TIAM1: variants seen among roughly 807,000 people sequenced by gnomAD.
TIAM1 encodes the protein TIAM Rac1 associated GEF 1, also known as rho guanine nucleotide exchange factor TIAM1.
A neutral mutation model predicts 163.5 loss-of-function variants in TIAM1; 65 were observed. That is an observed-to-expected ratio of 0.40 (90% CI 0.33 to 0.49). The LOEUF is 0.49. Among genes scored for constraint, TIAM1 ranks in the 20% least tolerant of loss-of-function variants. TIAM1 has a pLI of 0.77. For synonymous variants in TIAM1, 833 were observed against 810.1 expected (o/e 1.03, Z -0.48); for missense variants, 1,789 against 2,044.7 (o/e 0.87, Z 2.41).
chr21:31,293,499 TC>T (rs1188775185), intron 2 of TIAM1, among the ~76,000 whole-genome samples: 2 of 152,140 alleles, frequency 1.3e-5, no homozygotes, highest in South Asian at 4.2e-4. Context: ...ACAGACTTTT[TC>T]TCCAGTGCCT....
At chr21:31,535,175 G>A (rs1056900229) in intron 1 of TIAM1, among the ~76,000 whole-genome samples, 3 of 151,878 alleles carry the variant, frequency 2.0e-5, no homozygotes, top group Middle Eastern at 3.2e-3. Context: ...AAGGTCAGGA[G>A]TTCGAGACCA....
intron 1 of TIAM1, among the ~76,000 whole-genome samples, chr21:31,472,945 G>A (rs934696210): frequency 3.9e-5 from 6 of 152,086 alleles, no homozygotes; most frequent in East Asian, 3.9e-4. Context: ...GCAAGTCTTC[G>A]CACTCCAGTC....
intron 2 of TIAM1, among the ~76,000 whole-genome samples, chr21:31,434,021 C>T (rs1359186285): frequency 1.3e-5 from 2 of 152,120 alleles, no homozygotes; most frequent in Admixed American, 1.3e-4. Flanking sequence ...TGGTCTCAAA[C>T]TCCTGAGCTC....
intron 12 of TIAM1, among the ~76,000 whole-genome samples, chr21:31,197,918 A>G (rs977838087): frequency 1.3e-5 from 2 of 152,194 alleles, no homozygotes; most frequent in Non-Finnish European, 2.9e-5. Context: ...GATGCCTCCC[A>G]GATCAGCCTT....
intron 2 of TIAM1, among the ~76,000 whole-genome samples, chr21:31,375,491 C>T (rs113190550): frequency 0.016 from 4 of 244 alleles, no homozygotes; most frequent in African/African-American, 0.05. Context: ...CCCCTTCGTC[C>T]ACCTTTCTGT....
At chr21:31,500,933 C>T (rs2284539) in intron 1 of TIAM1, among the ~76,000 whole-genome samples, 58,822 of 152,050 alleles carry the variant, frequency 0.39, 12,425 homozygotes, top group East Asian at 0.83. Flanking sequence ...TCCTCCTCCC[C>T]TCTACAAAAA....
intron 1 of TIAM1, among the ~76,000 whole-genome samples, chr21:31,476,530 AG>A (rs1243501081): frequency 6.6e-6 from 1 of 151,042 alleles, no homozygotes; most frequent in Non-Finnish European, 1.5e-5. Context: ...ATTCACTAAT[AG>A]GGGCCAATTT....
At chr21:31,375,592 T>C (rs1192504001) in intron 2 of TIAM1, among the ~76,000 whole-genome samples, 1 of 152,204 alleles carries the variant, frequency 6.6e-6, no homozygotes, top group Non-Finnish European at 1.5e-5. Context: ...TGTATGTTCT[T>C]ATAAGGTATG....
At chr21:31,410,395 T>G (rs1038862339) in intron 2 of TIAM1, among the ~76,000 whole-genome samples, 1 of 151,578 alleles carries the variant, frequency 6.6e-6, no homozygotes. Flanking sequence ...TGACGGTACG[T>G]AAATGAGACA....
chr21:31,408,244 G>A (rs2077283528), intron 2 of TIAM1, among the ~76,000 whole-genome samples: 1 of 151,932 alleles, frequency 6.6e-6, no homozygotes, highest in African/African-American at 2.4e-5. Flanking sequence ...TACATTTGTG[G>A]CCAAAATCTT....
chr21:31,428,882 C>CA (rs56402509), intron 2 of TIAM1, among the ~76,000 whole-genome samples: 214 of 123,808 alleles, frequency 1.7e-3, no homozygotes, highest in Middle Eastern at 4.4e-3. Flanking sequence ...GACCCTGTCT[C>CA]AAAAAAAAAA....
chr21:31,245,348 T>C (rs374307827), intron 6 of TIAM1, 140 bp downstream of exon 6: 32 of 594,178 alleles, frequency 5.4e-5, no homozygotes, highest in African/African-American at 5.3e-4. Context: ...GTTTTTATAA[T>C]GAGCAACAGA....
At chr21:31,226,901 C>T (rs2088011427) in intron 6 of TIAM1, among the ~76,000 whole-genome samples, 1 of 150,392 alleles carries the variant, frequency 6.6e-6, no homozygotes, top group Non-Finnish European at 1.5e-5. Flanking sequence ...TTTGAAGCGC[C>T]TTCTTAGTTT....
chr21:31,160,725 C>T (rs1022049079), intron 16 of TIAM1: 1 of 383,012 alleles, frequency 2.6e-6, no homozygotes, highest in African/African-American at 2.1e-5. Flanking sequence ...AGGACAGCGA[C>T]GGTGAGACCC....
chr21:31,469,081 T>C (rs1164352626), intron 1 of TIAM1, among the ~76,000 whole-genome samples: 1 of 44,998 alleles, frequency 2.2e-5, no homozygotes, highest in African/African-American at 8.7e-5. Flanking sequence ...ACCAATCCCT[T>C]TTTTTTTTTT....
At chr21:31,394,724 TCTCTCACACACACACA>T (rs1569293505) in intron 2 of TIAM1, among the ~76,000 whole-genome samples, 102 of 128,908 alleles carry the variant, frequency 7.9e-4, no homozygotes, top group Middle Eastern at 3.7e-3. Flanking sequence ...TCTCTCTCTC[TCTCTCACACACACACA>T]CACACACACA....
intron 2 of TIAM1, among the ~76,000 whole-genome samples, chr21:31,377,033 C>CTTTTTTTTTTTT (rs35487868): frequency 9.9e-5 from 8 of 80,952 alleles, no homozygotes; most frequent in Admixed American, 1.6e-4. Context: ...TCATTTTTGT[C>CTTTTTTTTTTTT]TTTTTTTTTT....
intron 16 of TIAM1, among the ~76,000 whole-genome samples, chr21:31,163,582 TAA>T (rs2084040289): frequency 6.6e-6 from 1 of 152,112 alleles, no homozygotes; most frequent in Non-Finnish European, 1.5e-5. Flanking sequence ...CAAATATGGA[TAA>T]AAGATACTGA....
rs567704878 is a variant in TIAM1 at position 31,320,632 on chromosome 21, C to G, written c.-189+18611G>C. Among the ~76,000 whole-genome samples, 10 of 152,308 alleles carry G rather than the reference C, an allele frequency of 6.6e-5. No individual in the cohort carries two copies. The East Asian group carries it at 1.7e-3, about 26-fold the overall frequency. On this transcript the variant is annotated intron_variant, in intron 2 of 27. Coordinates refer to ENST00000541036, the MANE Select transcript of TIAM1 (RefSeq NM_001353694.2). ...AGCTTAGGTCAACCCCAGCTGCACACTGACCAGTGAGCAATGGTAGGTGAC... is the reference window on the plus strand; with the variant it reads ...AGCTTAGGTCAACCCCAGCTGCACAGTGACCAGTGAGCAATGGTAGGTGAC...
Sources: allele counts gnomAD v4.1 joint callset (sites outside exome capture counted in the v4.1 genomes callset), GRCh38; gene constraint gnomAD v4.1.1; transcripts MANE v1.5; gene names NCBI Gene and HGNC (gene_info 2026-07-23, HGNC 2026-07-21).